Variants in BCAR3 observed in about 807,000 individuals in gnomAD.
The protein encoded by BCAR3 is BCAR3 adaptor protein, NSP family member.
In BCAR3, 37 loss-of-function variants were observed where a neutral mutation model predicts 80.1. That is an observed-to-expected ratio of 0.46 (90% CI 0.36 to 0.61). The LOEUF (loss-of-function observed/expected upper bound fraction) is 0.61, where lower values mean the gene tolerates loss of function less well. BCAR3 is among the 20% of genes least tolerant of loss of function. The probability of loss-of-function intolerance (pLI) is 0.00; values close to 1 mark genes in which losing one functional copy is unlikely to be tolerated. For synonymous variants in BCAR3, 389 were observed against 418.9 expected (o/e 0.93, Z 0.87); for missense variants, 978 against 1,068.2 (o/e 0.92, Z 1.18).
At chr1:93,765,030 T>C (rs964540470) in intron 2 of BCAR3, among the ~76,000 whole-genome samples, 2 of 152,162 alleles carry the variant, frequency 1.3e-5, no homozygotes, top group East Asian at 1.9e-4. Flanking sequence ...GGTCAGAGGA[T>C]ATCCCCAAGG....
chr1:93,598,779 A>G (rs2101862394), intron 3 of BCAR3: 1 of 152,296 alleles, frequency 6.6e-6, no homozygotes, highest in East Asian at 1.9e-4. Flanking sequence ...AGTGTCCTGG[A>G]AACAGCTTCA....
At chr1:93,720,318 A>G (rs1650346545) in intron 2 of BCAR3, 1 of 152,280 alleles carries the variant, frequency 6.6e-6, no homozygotes, top group Non-Finnish European at 1.5e-5. Context: ...GTGTTAAGAC[A>G]AAGAGGGCAA....
At chr1:93,695,908 C>T (rs898451384) in intron 3 of BCAR3, among the ~76,000 whole-genome samples, 1 of 152,184 alleles carries the variant, frequency 6.6e-6, no homozygotes, top group Non-Finnish European at 1.5e-5. Context: ...CTGACAGTTT[C>T]CAGCCTGTCT....
At chr1:93,846,245 G>T (rs976154935) in intron 1 of BCAR3, among the ~76,000 whole-genome samples, 3 of 152,194 alleles carry the variant, frequency 2.0e-5, no homozygotes, top group Admixed American at 2.0e-4. Flanking sequence ...TTGAGGCCTG[G>T]CGATGCTGGG....
chr1:93,587,700 C>CG (rs1557847189), intron 5 of BCAR3, among the ~76,000 whole-genome samples: 1 of 126,244 alleles, frequency 7.9e-6, no homozygotes, highest in African/African-American at 4.6e-5. Flanking sequence ...GACCCCCCCG[C>CG]CAAAAAAAAA....
intron 3 of BCAR3, among the ~76,000 whole-genome samples, chr1:93,601,155 G>A (rs1674610122): frequency 6.6e-6 from 1 of 152,148 alleles, no homozygotes; most frequent in Admixed American, 6.5e-5. Context: ...ACTATACCTG[G>A]CACATGGATG....
chr1:93,840,637 G>A, intron 2 of BCAR3, among the ~76,000 whole-genome samples: 1 of 152,100 alleles, frequency 6.6e-6, no homozygotes, highest in South Asian at 2.1e-4. Flanking sequence ...CCCCCAAACT[G>A]GGTCACTGAA....
intron 3 of BCAR3, among the ~76,000 whole-genome samples, chr1:93,615,474 C>T (rs1438964846): frequency 6.6e-6 from 1 of 152,178 alleles, no homozygotes; most frequent in African/African-American, 2.4e-5. Context: ...TGCTTTCCTC[C>T]CTCACTCATT....
chr1:93,749,414 C>T (rs1372452873), intron 2 of BCAR3, among the ~76,000 whole-genome samples: 1 of 151,730 alleles, frequency 6.6e-6, no homozygotes, highest in Admixed American at 6.6e-5. Flanking sequence ...TGGTGAAACC[C>T]CGTCTCTACT....
intron 2 of BCAR3, among the ~76,000 whole-genome samples, chr1:93,833,032 G>A (rs1257464891): frequency 6.6e-6 from 1 of 152,044 alleles, no homozygotes; most frequent in Non-Finnish European, 1.5e-5. Context: ...CCTACTGGGG[G>A]AACTAGCCCC....
chr1:93,747,767 T>C (rs1225310114), intron 2 of BCAR3, among the ~76,000 whole-genome samples: 1 of 151,716 alleles, frequency 6.6e-6, no homozygotes, highest in Admixed American at 6.6e-5. Context: ...ATCTAAACCC[T>C]TTAGCATGAC....
At chr1:93,815,821 G>A (rs1435441241) in intron 2 of BCAR3, among the ~76,000 whole-genome samples, 1 of 152,212 alleles carries the variant, frequency 6.6e-6, no homozygotes. Context: ...TAATTTTACA[G>A]TGGTTTATTA....
chr1:93,777,363 TTCTTCTTCTTCCTCC>T (rs969476361), intron 2 of BCAR3, among the ~76,000 whole-genome samples: 2 of 129,802 alleles, frequency 1.5e-5, no homozygotes, highest in Non-Finnish European at 3.4e-5. Context: ...CTTCCTCCTC[TTCTTCTTCTTCCTCC>T]TCTTCTTCTT....
At chr1:93,620,492 C>T (rs558211459) in intron 3 of BCAR3, among the ~76,000 whole-genome samples, 1 of 152,254 alleles carries the variant, frequency 6.6e-6, no homozygotes, top group East Asian at 1.9e-4. Context: ...CCACCCTTGT[C>T]TGAGCCAATC....
At chr1:93,711,775 G>A (rs1650035379) in intron 2 of BCAR3, among the ~76,000 whole-genome samples, 1 of 152,094 alleles carries the variant, frequency 6.6e-6, no homozygotes, top group Admixed American at 6.5e-5. Context: ...TCCTCATCTT[G>A]TTCTTAGCCT....
intron 3 of BCAR3, among the ~76,000 whole-genome samples, chr1:93,627,066 G>C (rs1295509133): frequency 6.6e-6 from 1 of 152,176 alleles, no homozygotes; most frequent in African/African-American, 2.4e-5. Flanking sequence ...GTGAAAATTA[G>C]AATTTTGGAA....
chr1:93,570,071 C>T (rs1014556370), intron 9 of BCAR3, among the ~76,000 whole-genome samples: 9 of 152,180 alleles, frequency 5.9e-5, no homozygotes, highest in African/African-American at 2.2e-4. Context: ...ATTTCAAATA[C>T]CAATCCTACA....
At chr1:93,726,315 C>T (rs890491563) in intron 2 of BCAR3, among the ~76,000 whole-genome samples, 1 of 152,090 alleles carries the variant, frequency 6.6e-6, no homozygotes, top group Non-Finnish European at 1.5e-5. Context: ...TCAAGCAATC[C>T]TCCCACCTTG....
At chr1:93,661,141 G>A (rs1250685481) in intron 2 of BCAR3, among the ~76,000 whole-genome samples, 1 of 152,214 alleles carries the variant, frequency 6.6e-6, no homozygotes, top group African/African-American at 2.4e-5. Context: ...CCGGGTTCAA[G>A]TGATTCTCCT....
Sources: allele counts gnomAD v4.1 joint callset (sites outside exome capture counted in the v4.1 genomes callset), GRCh38; gene constraint gnomAD v4.1.1; transcripts MANE v1.5; gene names NCBI Gene and HGNC (gene_info 2026-07-23, HGNC 2026-07-21).